Variants in MACROD2 observed in about 807,000 individuals in gnomAD.
MACROD2 encodes the protein ADP-ribose glycohydrolase MACROD2.
In MACROD2, 36 loss-of-function variants were observed where a neutral mutation model predicts 70.4. The ratio of observed to expected loss-of-function variants is 0.51; its 90% CI spans 0.39 to 0.68. The LOEUF is 0.68. Among genes scored for constraint, MACROD2 ranks in the 30% least tolerant of loss-of-function variants. The pLI, the probability that MACROD2 is intolerant of heterozygous loss-of-function variation, is 0.00. For missense variants in MACROD2, 496 were observed against 538.4 expected (o/e 0.92, Z 0.78); for synonymous variants, 172 against 178.8 (o/e 0.96, Z 0.30).
chr20:14,060,292 A>G (rs1287854977), intron 2 of MACROD2, among the ~76,000 whole-genome samples: 2 of 152,154 alleles, frequency 1.3e-5, no homozygotes, highest in Admixed American at 6.5e-5. Context: ...CCACTTCGCC[A>G]TTTACAGATC....
At chr20:14,904,033 C>T (rs2073929498) in intron 5 of MACROD2, among the ~76,000 whole-genome samples, 1 of 152,116 alleles carries the variant, frequency 6.6e-6, no homozygotes. Context: ...TTTTAGTGAA[C>T]ACTAAGAAGT....
At chr20:14,614,515 T>G (rs970992843) in intron 4 of MACROD2, among the ~76,000 whole-genome samples, 2 of 152,094 alleles carry the variant, frequency 1.3e-5, no homozygotes, top group Non-Finnish European at 2.9e-5. Context: ...TGGCCGTAAA[T>G]GGCTGTAATT....
chr20:14,740,731 T>C (rs1182036864), intron 5 of MACROD2, among the ~76,000 whole-genome samples: 5 of 152,176 alleles, frequency 3.3e-5, no homozygotes, highest in African/African-American at 9.6e-5. Flanking sequence ...TTTAAGGAGG[T>C]ATTTGTGGCT....
chr20:15,801,198 A>C (rs1428252027), intron 8 of MACROD2, among the ~76,000 whole-genome samples: 7 of 142,516 alleles, frequency 4.9e-5, no homozygotes, highest in Admixed American at 1.4e-4. Flanking sequence ...AAAAAAAAAA[A>C]AAAAAACGAA....
chr20:14,827,984 T>C (rs952481927), intron 5 of MACROD2, among the ~76,000 whole-genome samples: 2 of 152,092 alleles, frequency 1.3e-5, no homozygotes, highest in East Asian at 3.8e-4. Context: ...GTTTTCCTTC[T>C]TTTAAAATTT....
intron 5 of MACROD2, among the ~76,000 whole-genome samples, chr20:15,167,545 A>C (rs1489861910): frequency 2.6e-5 from 4 of 152,140 alleles, no homozygotes; most frequent in Non-Finnish European, 5.9e-5. Flanking sequence ...ACTCAAAAAA[A>C]TATGCTTTTT....
At chr20:16,013,903 C>T (rs759991928) in intron 15 of MACROD2, among the ~76,000 whole-genome samples, 2 of 152,162 alleles carry the variant, frequency 1.3e-5, no homozygotes, top group African/African-American at 2.4e-5. Flanking sequence ...TTGAGATAGG[C>T]CCTGTGTAAA....
chr20:15,937,578 G>T, intron 12 of MACROD2, 34 bp downstream of exon 12: 1 of 1,589,670 alleles, frequency 6.3e-7, no homozygotes. Flanking sequence ...AATAATTGCA[G>T]ACTCTTAAAA....
intron 15 of MACROD2, among the ~76,000 whole-genome samples, chr20:16,027,866 G>C: frequency 6.6e-6 from 1 of 152,278 alleles, no homozygotes; most frequent in Admixed American, 6.5e-5. Context: ...CCTGATCTGA[G>C]ATCAGCTCTG....
intron 8 of MACROD2, among the ~76,000 whole-genome samples, chr20:15,728,233 G>GC (rs35394286): frequency 0.71 from 107,889 of 151,992 alleles, 40,263 homozygotes; most frequent in Non-Finnish European, 0.84. Context: ...AACCAACCTT[G>GC]CATCCTAAGG....
intron 6 of MACROD2, among the ~76,000 whole-genome samples, chr20:15,393,064 G>C (rs1219112135): frequency 1.3e-5 from 2 of 151,694 alleles, no homozygotes; most frequent in Non-Finnish European, 2.9e-5. Context: ...TTTCTTGTCT[G>C]GACTCAAGAC....
At chr20:14,208,537 C>G (rs1440651873) in intron 3 of MACROD2, among the ~76,000 whole-genome samples, 1 of 152,180 alleles carries the variant, frequency 6.6e-6, no homozygotes, top group Non-Finnish European at 1.5e-5. Context: ...CTGCACTACT[C>G]AGACTCTCAT....
chr20:14,012,483 G>T (rs575598326), intron 2 of MACROD2, among the ~76,000 whole-genome samples: 1 of 152,308 alleles, frequency 6.6e-6, no homozygotes, highest in South Asian at 2.1e-4. Flanking sequence ...GGGCATAGCT[G>T]TAGTGATGCA....
At chr20:15,043,371 C>T (rs868837732) in intron 5 of MACROD2, among the ~76,000 whole-genome samples, 25 of 152,372 alleles carry the variant, frequency 1.6e-4, no homozygotes, top group Middle Eastern at 6.8e-3. Flanking sequence ...ATTGCTGTGC[C>T]TTTGCATGGG....
At chr20:15,193,585 C>T (rs558583913) in intron 5 of MACROD2, among the ~76,000 whole-genome samples, 17 of 152,204 alleles carry the variant, frequency 1.1e-4, no homozygotes, top group African/African-American at 3.6e-4. Context: ...AAGTTTGAGA[C>T]TGCAGTGAGC....
At chr20:14,319,773 A>G (rs1040907311) in intron 3 of MACROD2, among the ~76,000 whole-genome samples, 2 of 151,858 alleles carry the variant, frequency 1.3e-5, no homozygotes, top group Non-Finnish European at 2.9e-5. Context: ...CTCCTCTGCA[A>G]TCCCCCCCTT....
chr20:15,051,476 G>A (rs1019954944), intron 5 of MACROD2, among the ~76,000 whole-genome samples: 2 of 151,752 alleles, frequency 1.3e-5, no homozygotes, highest in Non-Finnish European at 2.9e-5. Context: ...GCAGGACAGC[G>A]GGAAACACCC....
intron 8 of MACROD2, among the ~76,000 whole-genome samples, chr20:15,721,882 C>T (rs1046128109): frequency 5.9e-5 from 9 of 152,128 alleles, no homozygotes; most frequent in African/African-American, 2.2e-4. Flanking sequence ...TCACATTTTT[C>T]TTCTCTAAAA....
chr20:14,276,370 T>C (rs369462092), intron 3 of MACROD2, among the ~76,000 whole-genome samples: 45 of 145,968 alleles, frequency 3.1e-4, no homozygotes, highest in Middle Eastern at 3.5e-3. Context: ...AGTAAACTAT[T>C]GCAAGGACAA....
Sources: gnomAD v4.1 joint callset for allele counts (sites outside exome capture counted in the v4.1 genomes callset) on GRCh38, gnomAD v4.1.1 for gene constraint, MANE v1.5 for transcripts, NCBI Gene and HGNC (gene_info 2026-07-23, HGNC 2026-07-21) for gene names.